The following ARHGAP21 variants were observed in gnomAD, a reference collection of about 807,000 sequenced individuals.
ARHGAP21 encodes Rho GTPase activating protein 21, also known as rho GTPase-activating protein 21.
ARHGAP21 carries 38 observed loss-of-function variants against 164.6 expected under a neutral mutation model. The observed-to-expected ratio is 0.23, with a 90% CI of 0.18 to 0.30. The LOEUF is 0.30. ARHGAP21 is among the 10% of genes least tolerant of loss of function. The probability of loss-of-function intolerance (pLI) is 1.00; values close to 1 mark genes in which losing one functional copy is unlikely to be tolerated. For synonymous variants in ARHGAP21, 766 were observed against 857.9 expected (o/e 0.89, Z 1.87); for missense variants, 1,822 against 2,370.7 (o/e 0.77, Z 4.81).
At chr10:24,619,358 AAC>A (rs2131165971) in intron 9 of ARHGAP21, 113 bp downstream of exon 9, 1 of 1,059,404 alleles carries the variant, frequency 9.4e-7, no homozygotes, top group Non-Finnish European at 1.3e-6. Flanking sequence ...ATTCACTAGA[AAC>A]ATTTTAAAAT....
In ARHGAP21 at chr10:24,655,330, G is replaced by C. The variant is rs182045421; in HGVS notation, c.268+11655C>G. Among the ~76,000 whole-genome samples, 14 of 152,314 alleles carry C rather than the reference G, an allele frequency of 9.2e-5. No homozygotes were observed. The East Asian group carries it at 2.7e-3, about 29-fold the overall frequency. On this transcript the variant is annotated intron_variant, in intron 4 of 25. Coordinates refer to ENST00000396432, the MANE Select transcript of ARHGAP21 (RefSeq NM_020824.4). ...AAAGAAACTACCATCAGAGTGAACAGACAATCTACAGAATGGGAGGAAATT... is the reference window on the plus strand; with the variant it reads ...AAAGAAACTACCATCAGAGTGAACACACAATCTACAGAATGGGAGGAAATT...
chr10:24,602,209 G>C (rs1404565913), intron 12 of ARHGAP21, 106 bp from the exon 13 acceptor site: 4 of 1,308,078 alleles, frequency 3.1e-6, no homozygotes, highest in Non-Finnish European at 4.1e-6. Flanking sequence ...TTCAAGTGAA[G>C]GGCTATTTTT....
chr10:24,589,240 A>T, intron 25 of ARHGAP21, 31 bp downstream of exon 25: 3 of 1,579,240 alleles, frequency 1.9e-6, no homozygotes, highest in Non-Finnish European at 2.6e-6. Context: ...ATTCCCCCCT[A>T]AAATATTTCA....
intron 2 of ARHGAP21, among the ~76,000 whole-genome samples, chr10:24,718,285 G>A (rs1358136938): frequency 6.6e-6 from 1 of 152,194 alleles, no homozygotes; most frequent in Non-Finnish European, 1.5e-5. Context: ...GAAATCTGAT[G>A]AGTTTGCAAT....
intron 25 of ARHGAP21, 121 bp downstream of exon 25, chr10:24,589,150 A>G: frequency 1.2e-6 from 1 of 868,928 alleles, no homozygotes; most frequent in Admixed American, 2.4e-5. Flanking sequence ...TAATTTTTTG[A>G]TTATACTTTG....
At chr10:24,608,081 A>C (rs1297286685) in intron 9 of ARHGAP21, among the ~76,000 whole-genome samples, 178 bp from the exon 10 acceptor site, 3 of 152,102 alleles carry the variant, frequency 2.0e-5, no homozygotes, top group African/African-American at 7.3e-5. Flanking sequence ...TTACTCTAGT[A>C]ATTCTAAATA....
chr10:24,719,015 T>C (rs868309815), intron 2 of ARHGAP21, among the ~76,000 whole-genome samples: 7 of 151,806 alleles, frequency 4.6e-5, no homozygotes, highest in Middle Eastern at 3.4e-3. Flanking sequence ...GATAATATCA[T>C]AGAGGATTCA....
At chr10:24,664,153 T>G (rs1839960075) in intron 4 of ARHGAP21, among the ~76,000 whole-genome samples, 1 of 152,188 alleles carries the variant, frequency 6.6e-6, no homozygotes, top group Non-Finnish European at 1.5e-5. Flanking sequence ...CAGACCTCAG[T>G]GCAAAATGTT....
chr10:24,618,691 T>A (rs898673760), intron 9 of ARHGAP21, among the ~76,000 whole-genome samples: 1 of 152,142 alleles, frequency 6.6e-6, no homozygotes, highest in African/African-American at 2.4e-5. Context: ...AAGATTGTGA[T>A]AGGAGATCAC....
chr10:24,684,369 T>C (rs1369514003), intron 2 of ARHGAP21, among the ~76,000 whole-genome samples: 1 of 151,922 alleles, frequency 6.6e-6, no homozygotes, highest in Non-Finnish European at 1.5e-5. Flanking sequence ...CATAATTAAA[T>C]GATAATACAA....
chr10:24,630,153 G>A (rs58490504), intron 6 of ARHGAP21, 103 bp from the exon 7 acceptor site: 6,890 of 567,542 alleles, frequency 0.012, 239 homozygotes, highest in African/African-American at 0.093. Context: ...TTGTTTAAGA[G>A]TTTATTCTGG....
At chr10:24,607,210 G>A (rs1007827770) in intron 11 of ARHGAP21, among the ~76,000 whole-genome samples, 1 of 152,104 alleles carries the variant, frequency 6.6e-6, no homozygotes, top group Non-Finnish European at 1.5e-5. Context: ...TTTATGTATA[G>A]AATAGCTCTA....
intron 4 of ARHGAP21, among the ~76,000 whole-genome samples, chr10:24,644,632 A>C (rs958509963): frequency 2.6e-5 from 4 of 152,264 alleles, no homozygotes; most frequent in South Asian, 2.1e-4. Flanking sequence ...TCTAAGACAA[A>C]GGACAAATTT....
intron 4 of ARHGAP21, among the ~76,000 whole-genome samples, chr10:24,659,608 C>A (rs1839464292): frequency 6.6e-6 from 1 of 152,116 alleles, no homozygotes; most frequent in Admixed American, 6.5e-5. Flanking sequence ...AGCCACTGCG[C>A]CCGGCCCAGA....
At chr10:24,623,715 G>T (rs1253872721) in intron 7 of ARHGAP21, among the ~76,000 whole-genome samples, 1 of 152,192 alleles carries the variant, frequency 6.6e-6, no homozygotes, top group Non-Finnish European at 1.5e-5. Flanking sequence ...GGGAGAGGAG[G>T]TCCCTATGGT....
chr10:24,628,904 TACAC>T (rs1319326915), intron 7 of ARHGAP21: 1 of 79,360 alleles, frequency 1.3e-5, no homozygotes, highest in Admixed American at 1.5e-4. Flanking sequence ...CATACATATA[TACAC>T]ATATATACAC....
In ARHGAP21 at chr10:24,620,897, G is replaced by A; in HGVS notation, c.998C>T (p.Pro333Leu). Residue 333 changes from proline (P) to leucine (L), a missense_variant, in exon 9 of 26, where the codon CCT becomes CTT. This residue lies in a region of ARHGAP21 where 1,090 missense variants were observed against 1,378.9 expected (regional missense o/e 0.79). Coordinates refer to ENST00000396432, the MANE Select transcript of ARHGAP21 (RefSeq NM_020824.4). ...SIPTTHLIHQ[P>L]AGSRSLEPSG... Reference sequence around the variant, plus strand: ...AGGTTCCAGTGATCTGGAGCCTGCAGGCTGATGAATTAGATGAGTGGTGGG... The same window carrying A: ...AGGTTCCAGTGATCTGGAGCCTGCAAGCTGATGAATTAGATGAGTGGTGGG... 6.2e-7 allele frequency: 1 copy of A among 1,613,918 alleles called. No homozygotes were observed. Among genetic ancestry groups the A allele is most frequent in the Non-Finnish European group, 8.5e-7 (1 of 1,179,860 alleles).
intron 12 of ARHGAP21, among the ~76,000 whole-genome samples, chr10:24,602,956 G>A (rs1439990494): frequency 6.6e-6 from 1 of 152,142 alleles, no homozygotes; most frequent in African/African-American, 2.4e-5. Flanking sequence ...TAATGAGATG[G>A]GGAAAACTAA....
chr10:24,694,790 G>A (rs531581725), intron 2 of ARHGAP21, among the ~76,000 whole-genome samples: 5 of 152,164 alleles, frequency 3.3e-5, no homozygotes, highest in East Asian at 3.9e-4. Context: ...CACAGTGCAC[G>A]CCTGTAATCC....
Sources: gnomAD v4.1 joint callset for allele counts (sites outside exome capture counted in the v4.1 genomes callset) on GRCh38, gnomAD v4.1.1 for gene constraint, gnomAD v4.1.1 regional missense constraint, MANE v1.5 for transcripts, NCBI Gene and HGNC (gene_info 2026-07-23, HGNC 2026-07-21) for gene names.